The following ANK2 variants were observed in gnomAD, a reference collection of about 807,000 sequenced individuals.
ANK2 encodes the protein ankyrin-2.
Under a neutral mutation model 360.5 loss-of-function variants are expected in ANK2, and 83 were observed. That is an observed-to-expected ratio of 0.23 (90% CI 0.19 to 0.28). The LOEUF is 0.28. Among genes scored for constraint, ANK2 ranks in the 10% least tolerant of loss-of-function variants. The pLI is 1.00. For missense variants in ANK2, 4,201 were observed against 4,795.7 expected (o/e 0.88, Z 3.66); for synonymous variants, 1,740 against 1,759.5 (o/e 0.99, Z 0.28).
At chr4:113,258,473 GGT>G (rs1299787645) in intron 13 of ANK2, 62 bp downstream of exon 13, 1 of 1,506,302 alleles carries the variant, frequency 6.6e-7, no homozygotes, top group East Asian at 2.3e-5. Context: ...AGAGATTGTG[GGT>G]GTGTGTATGT....
At position 113,278,566 on chromosome 4, in the gene ANK2, C is replaced by G. The variant is rs74976371; in HGVS notation, c.1881+8C>G. On this transcript the variant is annotated splice_region_variant and intron_variant, in intron 17 of 45. Transcript: ENST00000357077. ...CCTCATGCCACTGCCAAGGTGAGGACCACAGAAAAGGATTTACAGGCATAG... is the reference window on the plus strand; with the variant it reads ...CCTCATGCCACTGCCAAGGTGAGGAGCACAGAAAAGGATTTACAGGCATAG... 1,567 of 1,613,060 alleles carry G rather than the reference C, an allele frequency of 9.7e-4. 12 individuals are homozygous for G. In the African/African-American group the frequency reaches 0.019, roughly 19 times the overall value.
the ANK2 span, chr4:112,797,203 G>C: frequency 6.3e-6 from 1 of 158,600 alleles, no homozygotes; most frequent in Non-Finnish European, 1.4e-5. Context: ...AATCATCTTT[G>C]ACTGCACTCT....
At chr4:113,156,943 A>G (rs2097324644) in intron 1 of ANK2, among the ~76,000 whole-genome samples, 1 of 151,958 alleles carries the variant, frequency 6.6e-6, no homozygotes, top group Non-Finnish European at 1.5e-5. Flanking sequence ...TATTTTACAT[A>G]TATATCCTTT....
At chr4:112,933,403 C>T (rs529074177) in intron 2 of ANK2, among the ~76,000 whole-genome samples, 93 of 152,060 alleles carry the variant, frequency 6.1e-4, no homozygotes, top group African/African-American at 2.2e-3. Flanking sequence ...CACTCTGTAG[C>T]TTTGGATATA....
At chr4:112,706,605 G>A in the ANK2 span, 1 of 152,334 alleles carries the variant, frequency 6.6e-6, no homozygotes, top group African/African-American at 2.4e-5. Context: ...GCCCCTGGGG[G>A]AAAGGTACCC....
chr4:112,920,926 G>GTA (rs2091308349), intron 2 of ANK2, among the ~76,000 whole-genome samples: 1 of 151,938 alleles, frequency 6.6e-6, no homozygotes. Flanking sequence ...TAAAGCTGTT[G>GTA]TATAGCTCAT....
chr4:112,855,302 G>C lies in ANK2; in HGVS notation c.-40+37038G>C, dbSNP rs111447782. ...TGTCCACCAGTCTGCTCATACTGAA[G>C]TGTTGCCAACACTTCTGCTCTATTG... On this transcript the variant is annotated intron_variant, in intron 1 of 30. Coordinates refer to the ANK2 transcript ENST00000503271. 7.2e-5 allele frequency among the ~76,000 whole-genome samples: 11 copies of C among 152,314 alleles called. No homozygotes were observed. In the East Asian group the frequency reaches 2.1e-3, roughly 29 times the overall value.
chr4:113,202,049 C>A (rs577122242), intron 4 of ANK2, among the ~76,000 whole-genome samples: 144 of 152,090 alleles, frequency 9.5e-4, no homozygotes, highest in Middle Eastern at 3.4e-3. Flanking sequence ...ATTTTAGAAT[C>A]TTTTCTAAAT....
chr4:112,943,870 T>G (rs1303011689), intron 2 of ANK2, among the ~76,000 whole-genome samples: 1 of 152,124 alleles, frequency 6.6e-6, no homozygotes, highest in Non-Finnish European at 1.5e-5. Context: ...CTGGCACTCT[T>G]GTTAATAATT....
intron 1 of ANK2, among the ~76,000 whole-genome samples, chr4:113,107,559 A>T (rs1346791820): frequency 6.6e-6 from 1 of 152,090 alleles, no homozygotes; most frequent in African/African-American, 2.4e-5. Context: ...AAAGAGTGTG[A>T]GCTTATTAAT....
At chr4:113,124,152 A>G (rs2095528080) in intron 1 of ANK2, among the ~76,000 whole-genome samples, 1 of 152,194 alleles carries the variant, frequency 6.6e-6, no homozygotes, top group African/African-American at 2.4e-5. Context: ...AGACCACTAC[A>G]TTGTGAATTT....
At chr4:112,750,817 A>G in the ANK2 span, among the ~76,000 whole-genome samples, 536 of 151,632 alleles carry the variant, frequency 3.5e-3, 3 homozygotes, top group Admixed American at 7.0e-3. Context: ...AACCTCCACC[A>G]CCTGGGTTCA....
Position 113,369,734 on chromosome 4 carries a change from G to A in ANK2, c.11539G>A (p.Val3847Ile), listed in dbSNP as rs1448123780. The stretch of plus-strand genomic sequence containing the variant: ...GAGCTCTCCGCGGAAAACCAGCCTC[G>A]TAATAGTGGAGTCTGCCGATAACCA... ...EESSPRKTSL[V>I]IVESADNQPE... The change falls in exon 43 of 46, where the codon GTA (valine) becomes ATA (isoleucine). Residue 3847 changes from valine (V) to isoleucine (I), a missense_variant. Val to Ile is a conservative substitution (Grantham distance 29). This residue lies in a region of ANK2 where 2,642 missense variants were observed against 2,714.5 expected (regional missense o/e 0.97). Transcript: ENST00000357077. 7 of 1,613,970 alleles carry A rather than the reference G, an allele frequency of 4.3e-6. No individual in the cohort carries two copies. Among genetic ancestry groups the A allele is most frequent in the Middle Eastern group, 1.6e-4 (1 of 6,084 alleles).
intron 1 of ANK2, among the ~76,000 whole-genome samples, chr4:112,880,062 ACTCTCT>A (rs34333706): frequency 9.1e-4 from 135 of 148,406 alleles, no homozygotes; most frequent in African/African-American, 3.0e-3. Flanking sequence ...ACACACACAC[ACTCTCT>A]CTCTCTCACA....
the ANK2 span, among the ~76,000 whole-genome samples, chr4:112,734,483 T>C: frequency 6.6e-6 from 1 of 152,190 alleles, no homozygotes; most frequent in Non-Finnish European, 1.5e-5. Context: ...AAACTACTTA[T>C]TGGAGAAAGT....
chr4:112,827,718 A>G (rs2149607907), intron 1 of ANK2: 1 of 532,596 alleles, frequency 1.9e-6, no homozygotes, highest in East Asian at 2.9e-5. Flanking sequence ...CCAATATGAA[A>G]GAGCAAACAA....
chr4:113,227,692 T>A (rs2099242011), intron 4 of ANK2, among the ~76,000 whole-genome samples: 1 of 152,110 alleles, frequency 6.6e-6, no homozygotes, highest in African/African-American at 2.4e-5. Context: ...AAGAGACTAT[T>A]CAGTAACTGC....
chr4:113,186,433 C>G (rs767777360), intron 2 of ANK2, among the ~76,000 whole-genome samples: 1 of 152,086 alleles, frequency 6.6e-6, no homozygotes, highest in Non-Finnish European at 1.5e-5. Flanking sequence ...GGTAAATACA[C>G]GAAGATGAAG....
the ANK2 span, among the ~76,000 whole-genome samples, chr4:112,748,622 C>G: frequency 6.6e-6 from 1 of 152,296 alleles, no homozygotes; most frequent in South Asian, 2.1e-4. Flanking sequence ...CTAACTCCTG[C>G]AGCTGTTGGG....
Sources: gnomAD v4.1 joint callset for allele counts (sites outside exome capture counted in the v4.1 genomes callset) on GRCh38, gnomAD v4.1.1 for gene constraint, gnomAD v4.1.1 regional missense constraint, MANE v1.5 for transcripts, NCBI Gene and HGNC (gene_info 2026-07-23, HGNC 2026-07-21) for gene names.